Variants in ZNF584 observed in about 807,000 individuals in gnomAD.
The protein encoded by ZNF584 is zinc finger protein 584.
A neutral mutation model predicts 14.7 loss-of-function variants in ZNF584; 12 were observed. The observed-to-expected ratio is 0.82, with a 90% confidence interval of 0.52 to 1.32. The LOEUF is 1.32. ZNF584 is among the 40% of genes most tolerant of loss of function. The probability of loss-of-function intolerance (pLI) is 0.00; values close to 1 mark genes in which losing one functional copy is unlikely to be tolerated. For missense variants in ZNF584, 478 were observed against 518.8 expected, an observed-to-expected ratio of 0.92 and a Z score of 0.76; for synonymous variants, 204 against 190.9, an observed-to-expected ratio of 1.07 and a Z score of -0.57.
chr19:58,410,965 T>C (rs1254957176), intron 2 of ZNF584, among the ~76,000 whole-genome samples: 1 of 150,342 alleles, frequency 6.7e-6, no homozygotes, highest in African/African-American at 2.4e-5. Context: ...CTAATTTTTG[T>C]ATTTTTAGTA....
chr19:58,416,221 T>G (rs1341492175), intron 3 of ZNF584: 1 of 322,332 alleles, frequency 3.1e-6, no homozygotes. Flanking sequence ...CCCAGACCTT[T>G]CCTAGCAACC....
At chr19:58,402,792 C>A (rs1438907431) in intron 1 of ZNF584, among the ~76,000 whole-genome samples, 1 of 142,084 alleles carries the variant, frequency 7.0e-6, no homozygotes, top group Admixed American at 7.3e-5. Flanking sequence ...CCATTGCACT[C>A]CAGCCTGGGC....
chr19:58,416,154 GT>G, intron 3 of ZNF584: 1 of 522,760 alleles, frequency 1.9e-6, no homozygotes, highest in Admixed American at 3.3e-5. Flanking sequence ...CTCAGTTGAG[GT>G]TTTCCTTAGT....
upstream of ZNF584, chr19:58,406,344 C>CGGGGGGGGGGGAGG (rs2052472891): frequency 4.1e-5 from 1 of 24,400 alleles, no homozygotes; most frequent in African/African-American, 1.6e-4. Flanking sequence ...GTGGAAAGAG[C>CGGGGGGGGGGGAGG]GGGGGGGGGG....
Position 58,415,653 on chromosome 19 carries a change from G to A in ZNF584, c.292+7G>A. 1 of 1,613,264 alleles carries A rather than the reference G, an allele frequency of 6.2e-7. No homozygotes were observed. The highest frequency in any genetic ancestry group is 8.5e-7 in the Non-Finnish European group (1 of 1,179,476). ...AGGAGAGGTTTTGGTCTTGGTAAGT[G>A]GAGTGGAGGGGAATACCTTGGTTTC... On this transcript the variant is annotated splice_region_variant and intron_variant, in intron 3 of 3. Transcript: ENST00000306910.
intron 2 of ZNF584, among the ~76,000 whole-genome samples, chr19:58,410,725 ATG>A (rs1290349558): frequency 2.1e-5 from 1 of 47,930 alleles, no homozygotes; most frequent in Admixed American, 2.0e-4. Context: ...GTATATATAT[ATG>A]TATATATATA....
rs554603659 is a variant in ZNF584, at chr19:58,412,051, G to A, written c.169+1960G>A. Among the ~76,000 whole-genome samples the A allele has an allele frequency of 4.9e-5, 7 of 143,652 alleles. No individual in the cohort carries two copies. In the South Asian group the frequency reaches 1.5e-3, roughly 32 times the overall value. 94.2% of individuals were successfully genotyped at this position (143,652 alleles called of 152,430 possible). A position where few individuals can be genotyped will look rare whatever the true frequency, so the allele number is the denominator to read the frequency against. ...GGCTGGAGTTCAGTGGCATGATCTC[G>A]GCTCATTGCAACCTCCACCTCTTGG... On this transcript the variant is annotated intron_variant, in intron 2 of 3. Transcript: ENST00000306910.
intron 2 of ZNF584, among the ~76,000 whole-genome samples, chr19:58,412,677 A>G (rs1279702187): frequency 6.6e-6 from 1 of 152,170 alleles, no homozygotes; most frequent in Non-Finnish European, 1.5e-5. Context: ...TGAGTTGGGA[A>G]TGTTTCCTTC....
chr19:58,410,617 ATATATGTG>A (rs1568584695), intron 2 of ZNF584, among the ~76,000 whole-genome samples: 2 of 46,078 alleles, frequency 4.3e-5, no homozygotes, highest in Non-Finnish European at 7.3e-5. Context: ...ATATATGTGT[ATATATGTG>A]TATATATGTG....
At chr19:58,403,786 T>G (rs1453903586), upstream of ZNF584, among the ~76,000 whole-genome samples, 1 of 151,886 alleles carries the variant, frequency 6.6e-6, no homozygotes, top group South Asian at 2.1e-4. Flanking sequence ...CTGGCCAAAA[T>G]GGTGAAACCC....
chr19:58,409,461 C>A (rs539722113), intron 1 of ZNF584, among the ~76,000 whole-genome samples: 1 of 152,148 alleles, frequency 6.6e-6, no homozygotes, highest in South Asian at 2.1e-4. Flanking sequence ...TGGGGGTGTA[C>A]AGTTTTAGGC....
chr19:58,409,555 T>C (rs1013074990), intron 1 of ZNF584, among the ~76,000 whole-genome samples: 2 of 152,186 alleles, frequency 1.3e-5, no homozygotes, highest in Non-Finnish European at 2.9e-5. Context: ...GGGAGAAGGA[T>C]GAGCATAGGT....
chr19:58,417,775 T>C lies in ZNF584; in HGVS notation c.1257T>C (p.Val419=). The C allele has an allele frequency of 1.2e-6, 2 of 1,604,168 alleles. No homozygotes were observed. Among genetic ancestry groups the C allele is most frequent in the Non-Finnish European group, 1.7e-6 (2 of 1,174,668 alleles). ...AGGACAGGGCACATGGGAAGGTCGTTAGCTGCTAGCACCGTGTTCATCAGG... is the reference window on the plus strand; with the variant it reads ...AGGACAGGGCACATGGGAAGGTCGTCAGCTGCTAGCACCGTGTTCATCAGG... ...RQEDRAHGKV[V]SC is the part of the protein sequence containing the mutation. The change falls in exon 4 of 4, where the codon GTT becomes GTC. Residue 419 remains valine (V), a synonymous_variant. Transcript: ENST00000306910.
intron 2 of ZNF584, among the ~76,000 whole-genome samples, chr19:58,414,402 G>T (rs942081384): frequency 1.3e-4 from 19 of 150,950 alleles, no homozygotes; most frequent in African/African-American, 4.6e-4. Flanking sequence ...GCAGTGGCGC[G>T]ATCTCAGCTC....
intron 3 of ZNF584, chr19:58,415,987 A>T: frequency 6.3e-7 from 1 of 1,583,008 alleles, no homozygotes; most frequent in Non-Finnish European, 8.6e-7. Context: ...AACACCAGCT[A>T]CTATTTTGGA....
upstream of ZNF584, among the ~76,000 whole-genome samples, chr19:58,403,687 T>C (rs746784253): frequency 5.3e-5 from 8 of 152,208 alleles, no homozygotes; most frequent in Non-Finnish European, 8.8e-5. Flanking sequence ...TGTTAACAAA[T>C]GGGCCGGGTG....
chr19:58,417,181 G>A lies in ZNF584; in HGVS notation c.663G>A (p.Lys221=), dbSNP rs751857996. Residue 221 remains lysine, a synonymous_variant, in exon 4 of 4, where the codon AAG becomes AAA. Transcript: ENST00000306910. Reference sequence around the variant, plus strand: ...CCCATGTGTGTAATGAATGTGGGAAGGCCTTCAGTTACCCGTCTAAGCTGA... The same window carrying A: ...CCCATGTGTGTAATGAATGTGGGAAAGCCTTCAGTTACCCGTCTAAGCTGA... ...ETAHVCNECG[K]AFSYPSKLRK... is the part of the protein sequence containing the mutation. 4 of 1,613,710 alleles carry A rather than the reference G, an allele frequency of 2.5e-6. No individual in the cohort carries two copies. Among genetic ancestry groups the A allele is most frequent in the Non-Finnish European group, 3.4e-6 (4 of 1,179,690 alleles).
chr19:58,415,428 G>C (rs1390914909), intron 2 of ZNF584, 96 bp from the exon 3 acceptor site: 5 of 1,473,590 alleles, frequency 3.4e-6, no homozygotes. Context: ...GAACGTCTGG[G>C]TTTAAGTGAT....
At position 58,410,021 on chromosome 19, in the gene ZNF584, C is replaced by G; in HGVS notation, c.99C>G (p.Leu33=). 6.2e-7 allele frequency: 1 copy of G among 1,613,906 alleles called. No individual in the cohort carries two copies. Among genetic ancestry groups the G allele is most frequent in the Non-Finnish European group, 8.5e-7 (1 of 1,179,974 alleles). The change falls in exon 2 of 4, where the codon CTC becomes CTG. Residue 33 remains leucine, a synonymous_variant. Coordinates refer to ENST00000306910, the MANE Select transcript of ZNF584 (RefSeq NM_173548.3). ...ATTTCTCCAGGGAGGAGTGGGGGCT[C>G]CTTAATGTGACCCAGAAGGGCCTAT... ...TVYFSREEWG[L]LNVTQKGLYR...
Sources: allele counts gnomAD v4.1 joint callset (sites outside exome capture counted in the v4.1 genomes callset), GRCh38; gene constraint gnomAD v4.1.1; transcripts MANE v1.5; gene names NCBI Gene and HGNC (gene_info 2026-07-23, HGNC 2026-07-21).